TUB: variants seen among roughly 807,000 people sequenced by gnomAD.
TUB encodes the protein TUB bipartite transcription factor.
TUB carries 33 observed loss-of-function variants against 59.7 expected under a neutral mutation model. That is an observed-to-expected ratio of 0.55 (90% CI 0.42 to 0.74). TUB has a LOEUF of 0.74. Among genes scored for constraint, TUB ranks in the 30% least tolerant of loss-of-function variants. The pLI, the probability that TUB is intolerant of heterozygous loss-of-function variation, is 0.00. For synonymous variants in TUB, 293 were observed against 256.4 expected (o/e 1.14, Z -1.36); for missense variants, 659 against 672.0 (o/e 0.98, Z 0.21).
At chr11:8,099,048 C>G (rs1210455227) in intron 9 of TUB, among the ~76,000 whole-genome samples, 173 bp downstream of exon 9, 2 of 152,108 alleles carry the variant, frequency 1.3e-5, no homozygotes, top group Non-Finnish European at 2.9e-5. Flanking sequence ...GCTCTCTCCT[C>G]CTGACTTCAG....
chr11:8,086,819 C>A (rs981355806), intron 1 of TUB, among the ~76,000 whole-genome samples: 1 of 152,158 alleles, frequency 6.6e-6, no homozygotes, highest in Non-Finnish European at 1.5e-5. Flanking sequence ...AGGTGGCTCT[C>A]TAGGTACTTT....
At chr11:8,020,460 T>C (rs1234056612) in intron 1 of TUB, among the ~76,000 whole-genome samples, 1 of 152,170 alleles carries the variant, frequency 6.6e-6, no homozygotes, top group East Asian at 1.9e-4. Flanking sequence ...CCTCCTCACC[T>C]TCCCTGAGTC....
At chr11:8,047,522 G>A (rs1942853758) in intron 2 of TUB, among the ~76,000 whole-genome samples, 1 of 152,182 alleles carries the variant, frequency 6.6e-6, no homozygotes, top group African/African-American at 2.4e-5. Flanking sequence ...CATGGCTGGT[G>A]GAAATGAGAT....
At position 8,103,783 on chromosome 11, in the gene TUB, T is replaced by C. The variant is rs928964325; in HGVS notation, c.*2164T>C. 1.3e-5 allele frequency: 2 copies of C among 152,664 alleles called. No individual in the cohort carries two copies. Among genetic ancestry groups the C allele is most frequent in the Admixed American group, 1.3e-4 (2 of 15,288 alleles). 9.5% of individuals were successfully genotyped at this position (152,664 alleles called of 1,614,324 possible). A position where few individuals can be genotyped will look rare whatever the true frequency, so the allele number is the denominator to read the frequency against. On this transcript the variant is annotated 3_prime_UTR_variant, in exon 12 of 12. Coordinates refer to ENST00000299506, the MANE Select transcript of TUB (RefSeq NM_177972.3). ...TCGTCTCTAATGTTAGGTCAAGCTA[T>C]TTCTCTGGATCTATGATTTTAAGAT...
upstream of TUB, among the ~76,000 whole-genome samples, chr11:8,036,211 AG>A (rs566822430): frequency 2.5e-4 from 38 of 151,994 alleles, no homozygotes; most frequent in African/African-American, 8.7e-4. Flanking sequence ...GGGAGGCCTG[AG>A]GGTCTCAGGG....
At chr11:8,019,544 G>T (rs1317730270) in intron 1 of TUB, among the ~76,000 whole-genome samples, 2 of 152,222 alleles carry the variant, frequency 1.3e-5, no homozygotes, top group South Asian at 2.1e-4. Context: ...TCCAGCGAGG[G>T]TAGTGTCCCC....
intron 1 of TUB, among the ~76,000 whole-genome samples, chr11:8,023,434 A>T (rs1296257152): frequency 2.0e-5 from 3 of 152,196 alleles, no homozygotes; most frequent in African/African-American, 4.8e-5. Flanking sequence ...CACATGCCAA[A>T]GTGCTCCTCT....
At chr11:8,075,749 C>A (rs1222318774) in intron 2 of TUB, 1 of 152,130 alleles carries the variant, frequency 6.6e-6, no homozygotes, top group East Asian at 1.9e-4. Context: ...GTCAGAGTTA[C>A]ACCATCTCTT....
intron 8 of TUB, 50 bp downstream of exon 8, chr11:8,097,876 G>A: frequency 6.9e-7 from 1 of 1,446,756 alleles, no homozygotes; most frequent in East Asian, 2.3e-5. Flanking sequence ...GAGGGGCAGG[G>A]GCAAGCTGTC....
At chr11:8,049,580 T>TATATATAGAGAG (rs1417695566) in intron 2 of TUB, among the ~76,000 whole-genome samples, 1 of 69,204 alleles carries the variant, frequency 1.4e-5, no homozygotes, top group African/African-American at 4.4e-5. Flanking sequence ...TATATATATA[T>TATATATAGAGAG]AGATAGATAG....
intron 2 of TUB, among the ~76,000 whole-genome samples, chr11:8,067,106 G>T (rs1472651619): frequency 6.6e-6 from 1 of 152,098 alleles, no homozygotes; most frequent in Non-Finnish European, 1.5e-5. Context: ...CCAAATACTG[G>T]TCTGTGAATG....
chr11:8,052,765 G>A (rs1942953611), intron 2 of TUB, among the ~76,000 whole-genome samples: 1 of 152,162 alleles, frequency 6.6e-6, no homozygotes, highest in Non-Finnish European at 1.5e-5. Context: ...GTGAGCCACT[G>A]TGCCCGGCCG....
chr11:8,080,730 ACCT>A (rs1193319829), upstream of TUB, among the ~76,000 whole-genome samples: 4 of 151,972 alleles, frequency 2.6e-5, no homozygotes, highest in African/African-American at 9.7e-5. Context: ...CTGAGGAAAC[ACCT>A]CCTTAACCCA....
At chr11:8,070,303 G>A (rs4758282) in intron 2 of TUB, among the ~76,000 whole-genome samples, 102,705 of 152,118 alleles carry the variant, frequency 0.68, 35,454 homozygotes, top group African/African-American at 0.83. Context: ...ATAAATCTCA[G>A]TTGCATTTTA....
rs769396535 is a variant in TUB, at chr11:8,101,544, C to T, written c.1446C>T (p.Tyr482=). The change falls in exon 12 of 12, where the codon TAC becomes TAT. Residue 482 remains tyrosine, a synonymous_variant. Transcript: ENST00000299506. ...CAGAGGATGTGTTCACCATGGATTA[C>T]AACTACCCGCTGTGTGCACTGCAGG... ...RVAEDVFTMD[Y]NYPLCALQAF... is the part of the protein sequence containing the mutation. The T allele has an allele frequency of 6.2e-7, 1 of 1,614,120 alleles. No individual in the cohort carries two copies. Among genetic ancestry groups the T allele is most frequent in the South Asian group, 1.1e-5 (1 of 91,086 alleles).
chr11:8,044,464 T>G (rs1040064659), intron 2 of TUB, among the ~76,000 whole-genome samples: 1 of 152,218 alleles, frequency 6.6e-6, no homozygotes, highest in African/African-American at 2.4e-5. Context: ...AGTGAGTTTA[T>G]CATAGCTCTT....
At chr11:8,076,668 C>T (rs574062455), upstream of TUB, 6 of 152,238 alleles carry the variant, frequency 3.9e-5, no homozygotes, top group Non-Finnish European at 8.8e-5. Context: ...AGAGCATGCA[C>T]TCAACAAATG....
chr11:8,063,717 G>C (rs1396552689), intron 2 of TUB, among the ~76,000 whole-genome samples: 1 of 152,068 alleles, frequency 6.6e-6, no homozygotes, highest in Non-Finnish European at 1.5e-5. Flanking sequence ...TCCCCAAGTG[G>C]AACTACTAGG....
chr11:8,100,471 T>A, intron 9 of TUB, 32 bp from the exon 10 acceptor site: 1 of 1,574,048 alleles, frequency 6.4e-7, no homozygotes, highest in East Asian at 2.2e-5. Flanking sequence ...AATAGACGCC[T>A]CAGGTGGCCA....
Sources: gnomAD v4.1 joint callset for allele counts (sites outside exome capture counted in the v4.1 genomes callset) on GRCh38, gnomAD v4.1.1 for gene constraint, MANE v1.5 for transcripts, NCBI Gene and HGNC (gene_info 2026-07-23, HGNC 2026-07-21) for gene names.